BIRC6: variants seen among roughly 807,000 people sequenced by gnomAD.
The protein encoded by BIRC6 is baculoviral IAP repeat containing 6.
In BIRC6, 98 loss-of-function variants were observed where a neutral mutation model predicts 503.3. The ratio of observed to expected loss-of-function variants is 0.19; its 90% CI spans 0.17 to 0.23. The LOEUF (loss-of-function observed/expected upper bound fraction) is 0.23. Ranked by LOEUF, BIRC6 falls within the 10% of genes least tolerant of loss-of-function variation. The pLI is 1.00. For synonymous variants in BIRC6, 2,240 were observed against 2,078.7 expected (o/e 1.08, Z -2.11); for missense variants, 5,360 against 5,806.0 (o/e 0.92, Z 2.50).
chr2:32,468,810 A>G (rs2048824299), intron 29 of BIRC6, 27 bp downstream of exon 29: 1 of 1,499,938 alleles, frequency 6.7e-7, no homozygotes, highest in Non-Finnish European at 9.1e-7. Flanking sequence ...CATATTTTAA[A>G]GGCTGGGAAT....
At chr2:32,518,458 A>T (rs2055300386) in intron 56 of BIRC6, 61 bp downstream of exon 56, 1 of 1,519,458 alleles carries the variant, frequency 6.6e-7, no homozygotes. Flanking sequence ...TTTGTATCAG[A>T]GCCTGCAGTT....
At chr2:32,554,643 G>A (rs961097549) in intron 65 of BIRC6, among the ~76,000 whole-genome samples, 2 of 151,870 alleles carry the variant, frequency 1.3e-5, no homozygotes, top group Admixed American at 6.6e-5. Flanking sequence ...CCCTAATATT[G>A]GTTTGACAGT....
intron 1 of BIRC6, among the ~76,000 whole-genome samples, chr2:32,367,551 A>ATGGC (rs1221304256): frequency 6.6e-6 from 1 of 151,874 alleles, no homozygotes; most frequent in African/African-American, 2.4e-5. Flanking sequence ...GCTGGGCATG[A>ATGGC]TGGCTGTCGC....
chr2:32,608,085 C>T (rs2062593475), intron 72 of BIRC6, among the ~76,000 whole-genome samples: 1 of 148,530 alleles, frequency 6.7e-6, no homozygotes, highest in African/African-American at 2.5e-5. Context: ...GAGTTAATCC[C>T]AAAGATCATT....
chr2:32,439,680 A>C lies in BIRC6; in HGVS notation c.3804A>C (p.Ala1268=). ...SLASLLAKVA[A]GKEKSSNVKN... ...CTTCACTTTTGGCTAAAGTTGCAGCAGGCAAGGTATGAAACTGTCATTTTG... is the reference window on the plus strand; with the variant it reads ...CTTCACTTTTGGCTAAAGTTGCAGCCGGCAAGGTATGAAACTGTCATTTTG... The change falls in exon 16 of 74, where the codon GCA becomes GCC. Residue 1268 remains alanine, a synonymous_variant. Transcript: ENST00000421745. The C allele has an allele frequency of 6.2e-7, 1 of 1,613,450 alleles. No homozygotes were observed. Among genetic ancestry groups the C allele is most frequent in the Non-Finnish European group, 8.5e-7 (1 of 1,179,546 alleles).
intron 6 of BIRC6, 110 bp from the exon 7 acceptor site, chr2:32,401,053 A>G: frequency 1.1e-6 from 1 of 880,006 alleles, no homozygotes; most frequent in East Asian, 2.5e-5. Flanking sequence ...TTTAATGATG[A>G]ATACTTTAAG....
At chr2:32,592,010 C>T (rs1222986720) in intron 66 of BIRC6, among the ~76,000 whole-genome samples, 1 of 152,206 alleles carries the variant, frequency 6.6e-6, no homozygotes, top group Non-Finnish European at 1.5e-5. Flanking sequence ...AAGTGACTCA[C>T]TGTTAAACTA....
intron 5 of BIRC6, among the ~76,000 whole-genome samples, chr2:32,393,742 A>G (rs531701420): frequency 2.6e-4 from 39 of 152,178 alleles, no homozygotes; most frequent in African/African-American, 8.0e-4. Context: ...GCTGGTTTCA[A>G]ACTTCTGGGC....
intron 12 of BIRC6, among the ~76,000 whole-genome samples, chr2:32,431,862 A>AG (rs1267503624): frequency 6.6e-6 from 1 of 152,268 alleles, no homozygotes; most frequent in Non-Finnish European, 1.5e-5. Context: ...TGGGCATAAA[A>AG]GCTATGAAGA....
chr2:32,582,672 C>T (rs1052539373), intron 66 of BIRC6, among the ~76,000 whole-genome samples: 3 of 152,112 alleles, frequency 2.0e-5, no homozygotes, highest in African/African-American at 7.2e-5. Flanking sequence ...AGGAGAATCA[C>T]TTGAACCCAG....
intron 33 of BIRC6, among the ~76,000 whole-genome samples, chr2:32,473,722 T>TGTGC (rs1361959030): frequency 2.1e-4 from 29 of 138,706 alleles, no homozygotes; most frequent in East Asian, 8.2e-4. Flanking sequence ...TGTGTGTGTG[T>TGTGC]GTGTGTGTGT....
At chr2:32,578,059 A>G (rs1216004254) in intron 66 of BIRC6, among the ~76,000 whole-genome samples, 2 of 152,162 alleles carry the variant, frequency 1.3e-5, no homozygotes, top group African/African-American at 2.4e-5. Flanking sequence ...ACTTGAATAT[A>G]CTTTTTCGTT....
rs919712065 is a variant in BIRC6 at position 32,501,896 on chromosome 2, C to G, written c.9207+8C>G. ...GGATATATGGGCAGACAAGTAAGTTCAAGCCAACAACAGTTGCAGTGATTC... is the reference window on the plus strand; with the variant it reads ...GGATATATGGGCAGACAAGTAAGTTGAAGCCAACAACAGTTGCAGTGATTC... On this transcript the variant is annotated splice_region_variant and intron_variant, in intron 47 of 73. Transcript: ENST00000421745. 1 of 1,593,042 alleles carries G rather than the reference C, an allele frequency of 6.3e-7. No homozygotes were observed. The highest frequency in any genetic ancestry group is 8.5e-7 in the Non-Finnish European group (1 of 1,173,210).
chr2:32,418,833 A>G (rs117740390), intron 10 of BIRC6, among the ~76,000 whole-genome samples: 5,151 of 152,306 alleles, frequency 0.034, 102 homozygotes, highest in South Asian at 0.062. Context: ...CTGTAATCCC[A>G]GCTACTTGGG....
chr2:32,611,649 C>G, intron 73 of BIRC6, 67 bp downstream of exon 73: 1 of 1,364,888 alleles, frequency 7.3e-7, no homozygotes, highest in South Asian at 2.1e-5. Context: ...CAGAACCATG[C>G]CTACCAGAAG....
intron 65 of BIRC6, chr2:32,564,362 T>G (rs1269253384): frequency 6.6e-6 from 1 of 152,224 alleles, no homozygotes; most frequent in Non-Finnish European, 1.5e-5. Context: ...TACATTTTGC[T>G]TTTCCATCAG....
At chr2:32,448,394 A>G (rs960197507) in intron 21 of BIRC6, among the ~76,000 whole-genome samples, 14 of 148,668 alleles carry the variant, frequency 9.4e-5, no homozygotes, top group Non-Finnish European at 1.8e-4. Context: ...TCCGTCTGCA[A>G]TCCCGGCACC....
chr2:32,502,215 TAAG>T (rs1267319335), intron 47 of BIRC6, among the ~76,000 whole-genome samples: 5 of 152,194 alleles, frequency 3.3e-5, no homozygotes, highest in Non-Finnish European at 5.9e-5. Context: ...AGATGTTATG[TAAG>T]AAGAAGTAAT....
In BIRC6 at chr2:32,543,507, A is replaced by G. The variant is rs1239969861; in HGVS notation, c.12558A>G (p.Arg4186=). ...GAAAACATGCCCAGTGCCTTCTTCGATTGGTATTGGGAGTGACAGATGATG... is the reference window on the plus strand; with the variant it reads ...GAAAACATGCCCAGTGCCTTCTTCGGTTGGTATTGGGAGTGACAGATGATG... The part of the protein sequence containing the change: ...KERKHAQCLL[R]LVLGVTDDGE... The change falls in exon 62 of 74, where the codon CGA becomes CGG. Residue 4186 remains arginine (R), a synonymous_variant. Transcript: ENST00000421745. The G allele has an allele frequency of 6.2e-7, 1 of 1,613,794 alleles. No individual in the cohort carries two copies. Among genetic ancestry groups the G allele is most frequent in the Non-Finnish European group, 8.5e-7 (1 of 1,179,890 alleles).
Sources: gnomAD v4.1 joint callset for allele counts (sites outside exome capture counted in the v4.1 genomes callset) on GRCh38, gnomAD v4.1.1 for gene constraint, MANE v1.5 for transcripts, NCBI Gene and HGNC (gene_info 2026-07-23, HGNC 2026-07-21) for gene names.